Variants in VPS39 observed in about 807,000 individuals in gnomAD.
VPS39 encodes the protein VPS39 subunit of HOPS complex, also known as vam6/Vps39-like protein.
In VPS39, 70 loss-of-function variants were observed where a neutral mutation model predicts 121.0. The observed-to-expected ratio is 0.58, with a 90% CI of 0.48 to 0.71. The LOEUF (loss-of-function observed/expected upper bound fraction) is 0.71. Ranked by LOEUF, VPS39 falls within the 30% of genes least tolerant of loss-of-function variation. The pLI, the probability that VPS39 is intolerant of heterozygous loss-of-function variation, is 0.00. For synonymous variants in VPS39, 378 were observed against 398.1 expected, an observed-to-expected ratio of 0.95 and a Z score of 0.60; for missense variants, 818 against 1,051.5, an observed-to-expected ratio of 0.78 and a Z score of 3.07.
chr15:42,168,537 C>A (rs1195017375), intron 12 of VPS39, among the ~76,000 whole-genome samples: 1 of 150,166 alleles, frequency 6.7e-6, no homozygotes, highest in African/African-American at 2.5e-5. Context: ...TCCAGCAATA[C>A]TTCTTCTTTT....
rs2049202681 is a variant in VPS39, at chr15:42,164,470, T to A, written c.1914A>T (p.Pro638=). The A allele has an allele frequency of 6.2e-7, 1 of 1,614,122 alleles. No homozygotes were observed. Among genetic ancestry groups the A allele is most frequent in the Non-Finnish European group, 8.5e-7 (1 of 1,180,002 alleles). ...LSFPAGKTPV[P]AGEEEGELGE... ...CCAGCTCACCCTCTTCCTCTCCAGC[T>A]GGGACTGGGGTTTTGCCTTTAAGGG... is the stretch of plus-strand genomic sequence containing the variant. The change falls in exon 19 of 25, where the codon CCA becomes CCT. Residue 638 remains proline, a synonymous_variant. Transcript: ENST00000318006.
At chr15:42,184,793 C>A (rs2049666361) in intron 7 of VPS39, 93 bp from the exon 8 acceptor site, 3 of 1,177,038 alleles carry the variant, frequency 2.5e-6, no homozygotes, top group Admixed American at 2.4e-5. Flanking sequence ...CCTAGAGAAG[C>A]CAATAATATT....
intron 2 of VPS39, among the ~76,000 whole-genome samples, chr15:42,196,139 T>C (rs1454436504): frequency 2.0e-5 from 3 of 152,104 alleles, no homozygotes; most frequent in African/African-American, 7.2e-5. Flanking sequence ...TGAAACTGGA[T>C]CCCTTCCTTA....
At chr15:42,195,826 AG>A (rs747633991) in intron 2 of VPS39, among the ~76,000 whole-genome samples, 2 of 152,230 alleles carry the variant, frequency 1.3e-5, no homozygotes, top group Non-Finnish European at 2.9e-5. Flanking sequence ...ACTACTTTAA[AG>A]TTCATATGAA....
chr15:42,196,030 A>G (rs2049929816), intron 2 of VPS39, among the ~76,000 whole-genome samples: 1 of 152,182 alleles, frequency 6.6e-6, no homozygotes, highest in Admixed American at 6.5e-5. Flanking sequence ...ATCTACAACC[A>G]TCTGATCTTT....
At chr15:42,175,862 T>G (rs901953516) in intron 10 of VPS39, among the ~76,000 whole-genome samples, 1 of 152,120 alleles carries the variant, frequency 6.6e-6, no homozygotes, top group African/African-American at 2.4e-5. Flanking sequence ...AATGTTCCAT[T>G]TCCTGCTCTT....
intron 1 of VPS39, among the ~76,000 whole-genome samples, chr15:42,207,546 C>CT (rs1380016872): frequency 1.3e-5 from 2 of 152,168 alleles, no homozygotes; most frequent in Non-Finnish European, 1.5e-5. Flanking sequence ...TAATCAACCG[C>CT]TTGGCTAGAT....
chr15:42,193,432 C>T (rs951943827), intron 2 of VPS39, among the ~76,000 whole-genome samples: 26 of 152,298 alleles, frequency 1.7e-4, no homozygotes, highest in African/African-American at 6.0e-4. Context: ...TTCTTTGATA[C>T]TACACCAACA....
At chr15:42,164,556 G>T in intron 18 of VPS39, 70 bp from the exon 19 acceptor site, 3 of 1,585,446 alleles carry the variant, frequency 1.9e-6, no homozygotes, top group South Asian at 1.1e-5. Context: ...CAAGAAAAAT[G>T]AAGGGAATGG....
chr15:42,204,033 GAGA>G (rs1458126166), intron 1 of VPS39, among the ~76,000 whole-genome samples: 1 of 152,238 alleles, frequency 6.6e-6, no homozygotes, highest in African/African-American at 2.4e-5. Context: ...AATTCCTCCT[GAGA>G]AGGAGGGCTA....
At chr15:42,191,708 T>A (rs1437586538) in intron 2 of VPS39, 148 bp from the exon 3 acceptor site, 6 of 710,630 alleles carry the variant, frequency 8.4e-6, no homozygotes, top group Non-Finnish European at 1.4e-5. Flanking sequence ...AATAGCCAGC[T>A]CTCTTACAAG....
rs1006575140 is a variant in VPS39, at chr15:42,169,773, C to A, written c.1184G>T (p.Gly395Val). ...TAAGTGAGCCTTCTCCAATTCAGCC[C>A]CGGAGAGCACAGGCAATGGGTTGGG... is the stretch of plus-strand genomic sequence containing the variant. Reference protein sequence around the residue: ...QYPNPLPVLSGAELEKAHLAL... With the variant: ...QYPNPLPVLSVAELEKAHLAL... Residue 395 changes from glycine to valine, a missense_variant, in exon 12 of 25, where the codon GGG (glycine) becomes GTG (valine). Transcript: ENST00000318006. The A allele has an allele frequency of 6.2e-7, 1 of 1,614,088 alleles. No homozygotes were observed. The highest frequency in any genetic ancestry group is 2.2e-5 in the East Asian group (1 of 44,892).
rs1221369448 is a variant in VPS39 at position 42,173,809 on chromosome 15, T to C, written c.1004A>G (p.His335Arg). Residue 335 changes from histidine to arginine, a missense_variant, in exon 11 of 25, where the codon CAT (histidine) becomes CGT (arginine). By Grantham distance (29) the His-to-Arg change is conservative. Transcript: ENST00000318006. ...DSDSEKQQQI[H>R]HIKNLYAFNL... The stretch of plus-strand genomic sequence containing the variant: ...GAAGGCATACAAGTTCTTGATGTGA[T>C]GAATTTGTTGCTGCTTTTCACTGTC... The C allele has an allele frequency of 1.2e-6, 2 of 1,614,198 alleles. No homozygotes were observed. The highest frequency in any genetic ancestry group is 2.2e-5 in the South Asian group (2 of 91,088).
intron 1 of VPS39, among the ~76,000 whole-genome samples, chr15:42,205,226 C>A (rs1008200300): frequency 4.6e-5 from 7 of 152,050 alleles, no homozygotes; most frequent in African/African-American, 1.5e-4. Context: ...AACTTATATT[C>A]TAATGTGGAG....
At chr15:42,199,641 T>TAG (rs1176741576) in intron 2 of VPS39, 1 of 496,826 alleles carries the variant, frequency 2.0e-6, no homozygotes, top group Non-Finnish European at 3.7e-6. Context: ...CCTCTTTTCT[T>TAG]AGAGACTCAC....
At chr15:42,179,927 T>C (rs563082647) in intron 8 of VPS39, among the ~76,000 whole-genome samples, 1 of 152,234 alleles carries the variant, frequency 6.6e-6, no homozygotes, top group Non-Finnish European at 1.5e-5. Context: ...TAATGCACTA[T>C]AAAAAGGGCT....
At chr15:42,162,647 A>G (rs1423227630) in intron 21 of VPS39, 166 bp from the exon 22 acceptor site, 1 of 721,364 alleles carries the variant, frequency 1.4e-6, no homozygotes, top group East Asian at 3.0e-5. Flanking sequence ...CAAACAGGCA[A>G]CTGAAGATGT....
intron 11 of VPS39, 107 bp downstream of exon 11, chr15:42,173,611 TAGCTG>T: frequency 7.1e-7 from 1 of 1,405,188 alleles, no homozygotes; most frequent in Non-Finnish European, 9.7e-7. Flanking sequence ...AGGATCAATT[TAGCTG>T]AGCCTAAACC....
At chr15:42,164,714 C>A in intron 18 of VPS39, 1 of 1,430,420 alleles carries the variant, frequency 7.0e-7, no homozygotes, top group Non-Finnish European at 9.1e-7. Context: ...TGTGGGCAAA[C>A]CTGTTTCTTA....
Sources: allele counts gnomAD v4.1 joint callset (sites outside exome capture counted in the v4.1 genomes callset), GRCh38; gene constraint gnomAD v4.1.1; transcripts MANE v1.5; gene names NCBI Gene and HGNC (gene_info 2026-07-23, HGNC 2026-07-21).